The following CWC27 variants were observed in gnomAD, a reference collection of about 807,000 sequenced individuals.
CWC27 encodes the protein spliceosome-associated protein CWC27 homolog.
In CWC27, 47 loss-of-function variants were observed where a neutral mutation model predicts 63.6. The observed-to-expected ratio is 0.74, with a 90% CI of 0.58 to 0.94. CWC27 has a LOEUF of 0.94. CWC27 is among the 40% of genes least tolerant of loss of function. CWC27 has a pLI of 0.00. For missense variants in CWC27, 495 were observed against 554.3 expected (o/e 0.89, Z 1.07); for synonymous variants, 175 against 179.8 (o/e 0.97, Z 0.22).
chr5:64,966,633 T>C (rs546286610), intron 11 of CWC27, among the ~76,000 whole-genome samples: 1 of 152,228 alleles, frequency 6.6e-6, no homozygotes, highest in South Asian at 2.1e-4. Flanking sequence ...AAGTCTATGC[T>C]CTAAAGATGC....
chr5:64,824,802 GGCTCACT>G (rs1745314938), intron 10 of CWC27, among the ~76,000 whole-genome samples: 1 of 138,306 alleles, frequency 7.2e-6, no homozygotes, highest in Non-Finnish European at 1.5e-5. Flanking sequence ...GTGCGACCTC[GGCTCACT>G]GCAACCTCCG....
intron 11 of CWC27, among the ~76,000 whole-genome samples, chr5:64,921,462 G>A (rs59272640): frequency 0.079 from 11,943 of 151,964 alleles, 1,529 homozygotes; most frequent in African/African-American, 0.27. Context: ...TTGGTTAAGC[G>A]TCGAGTTTAA....
chr5:64,848,923 G>T (rs1204297150), intron 10 of CWC27, among the ~76,000 whole-genome samples: 1 of 152,122 alleles, frequency 6.6e-6, no homozygotes, highest in African/African-American at 2.4e-5. Flanking sequence ...CTTAAAATCT[G>T]AAACAAGGTA....
intron 10 of CWC27, among the ~76,000 whole-genome samples, chr5:64,843,366 G>A (rs970659306): frequency 2.6e-5 from 4 of 152,280 alleles, no homozygotes; most frequent in African/African-American, 4.8e-5. Context: ...CCACTTTCTC[G>A]GAAAGAGAGA....
intron 10 of CWC27, among the ~76,000 whole-genome samples, chr5:64,828,640 A>G (rs2112259661): frequency 6.6e-6 from 1 of 152,212 alleles, no homozygotes; most frequent in East Asian, 1.9e-4. Context: ...GATTGTAAAC[A>G]TTCAGAGAAT....
At chr5:64,811,229 G>A (rs1459824320) in intron 10 of CWC27, among the ~76,000 whole-genome samples, 3 of 151,988 alleles carry the variant, frequency 2.0e-5, no homozygotes, top group Admixed American at 2.0e-4. Context: ...GCCTGTAGGT[G>A]GAGCTCAGCT....
intron 13 of CWC27, among the ~76,000 whole-genome samples, chr5:64,995,530 G>C (rs1025597306): frequency 1.3e-5 from 2 of 151,674 alleles, no homozygotes; most frequent in Admixed American, 1.3e-4. Context: ...AATCCACCTG[G>C]AATTGATTTG....
intron 11 of CWC27, among the ~76,000 whole-genome samples, chr5:64,942,438 T>TAAA (rs35936421): frequency 0.028 from 2,703 of 96,392 alleles, 168 homozygotes; most frequent in African/African-American, 0.11. Flanking sequence ...CCTATCTCTT[T>TAAA]AAAAAAAAAA....
At chr5:64,923,413 G>T (rs1054638050) in intron 11 of CWC27, among the ~76,000 whole-genome samples, 1 of 151,200 alleles carries the variant, frequency 6.6e-6, no homozygotes, top group Non-Finnish European at 1.5e-5. Context: ...CCCTTCCTTA[G>T]GAGCCATTAA....
intron 11 of CWC27, among the ~76,000 whole-genome samples, chr5:64,929,445 G>A (rs1033051199): frequency 6.6e-6 from 1 of 152,102 alleles, no homozygotes; most frequent in Non-Finnish European, 1.5e-5. Context: ...CATCTTGAAA[G>A]GGCCTCTCCT....
chr5:64,898,582 C>T (rs1430455642), intron 11 of CWC27, among the ~76,000 whole-genome samples: 1 of 151,726 alleles, frequency 6.6e-6, no homozygotes, highest in Non-Finnish European at 1.5e-5. Context: ...TTGCTACGTA[C>T]AAGGAGTGTC....
In CWC27 at chr5:64,807,591, C is replaced by G. The variant is rs575827795; in HGVS notation, c.938+3205C>G. On this transcript the variant is annotated intron_variant, in intron 10 of 13. Coordinates refer to ENST00000381070, the MANE Select transcript of CWC27 (RefSeq NM_005869.4). ...TTTTAAAATGTACCAATCCCACTTTCTTTCCAGCCCACCTTCTCTATGCCT... is the reference window on the plus strand; with the variant it reads ...TTTTAAAATGTACCAATCCCACTTTGTTTCCAGCCCACCTTCTCTATGCCT... The G allele has an allele frequency of 8.5e-5, 130 of 1,524,272 alleles. No homozygotes were observed. The African/African-American group carries it at 1.6e-3, about 19-fold the overall frequency. 94.4% of individuals were successfully genotyped at this position (1,524,272 alleles called of 1,614,324 possible).
At chr5:64,967,248 G>C (rs1229832948) in intron 11 of CWC27, among the ~76,000 whole-genome samples, 1 of 151,962 alleles carries the variant, frequency 6.6e-6, no homozygotes, top group East Asian at 1.9e-4. Context: ...CACCATGACT[G>C]TACATGATGG....
chr5:64,992,103 A>T (rs1749547173), intron 13 of CWC27, among the ~76,000 whole-genome samples: 1 of 152,176 alleles, frequency 6.6e-6, no homozygotes, highest in Non-Finnish European at 1.5e-5. Context: ...AAATATTTGT[A>T]TGTGCTATAT....
At chr5:64,835,035 A>G (rs1001718824) in intron 10 of CWC27, among the ~76,000 whole-genome samples, 6 of 151,928 alleles carry the variant, frequency 3.9e-5, no homozygotes, top group Admixed American at 2.6e-4. Context: ...TTTAAAATCC[A>G]AATTAACAAA....
intron 11 of CWC27, among the ~76,000 whole-genome samples, chr5:64,957,888 C>T (rs1748832930): frequency 6.6e-6 from 1 of 152,000 alleles, no homozygotes; most frequent in African/African-American, 2.4e-5. Context: ...TCTCTCTATC[C>T]CTTAACATGT....
At chr5:64,784,646 T>A (rs998808047) in intron 4 of CWC27, among the ~76,000 whole-genome samples, 1 of 152,212 alleles carries the variant, frequency 6.6e-6, no homozygotes, top group Non-Finnish European at 1.5e-5. Flanking sequence ...TGGGCAAAAC[T>A]GGATTTTTGT....
chr5:64,919,547 C>T (rs542734155), intron 11 of CWC27, among the ~76,000 whole-genome samples: 77 of 152,278 alleles, frequency 5.1e-4, no homozygotes, highest in African/African-American at 1.8e-3. Context: ...CTATTGTTCT[C>T]GTCTTTGTGG....
At position 64,786,510 on chromosome 5, in the gene CWC27, AT is replaced by A. The variant is rs770043078; in HGVS notation, c.496-6del. 3.4e-4 allele frequency: 498 copies of A among 1,461,818 alleles called. 1 individual carries two copies. In the African/African-American group the frequency reaches 4.8e-3, roughly 14 times the overall value. 90.6% of individuals were successfully genotyped at this position (1,461,818 alleles called of 1,614,324 possible). On this transcript the variant is annotated splice_polypyrimidine_tract_variant and intron_variant, in intron 5 of 13. Transcript: ENST00000381070. ...AAAAATGGAATAATGTTTTCGAAAT[AT>A]TTTTTTTCATAGGTTTTGTTTAATC...
Sources: gnomAD v4.1 joint callset for allele counts (sites outside exome capture counted in the v4.1 genomes callset) on GRCh38, gnomAD v4.1.1 for gene constraint, MANE v1.5 for transcripts, NCBI Gene and HGNC (gene_info 2026-07-23, HGNC 2026-07-21) for gene names.